The following RBM28 variants were observed in gnomAD, a reference collection of about 807,000 sequenced individuals.
RBM28 encodes RNA binding motif protein 28.
RBM28 carries 78 observed loss-of-function variants against 98.3 expected under a neutral mutation model. The ratio of observed to expected loss-of-function variants is 0.79; its 90% confidence interval spans 0.66 to 0.96. The LOEUF (loss-of-function observed/expected upper bound fraction) is 0.96, where lower values mean the gene tolerates loss of function less well. Ranked by LOEUF, RBM28 falls within the 40% of genes least tolerant of loss-of-function variation. The pLI is 0.00. For missense variants in RBM28, 838 were observed against 913.0 expected, an observed-to-expected ratio of 0.92 and a Z score of 1.06; for synonymous variants, 306 against 330.9, an observed-to-expected ratio of 0.92 and a Z score of 0.82.
At position 128,339,314 on chromosome 7, in the gene RBM28, T is replaced by A. The variant is rs1796670638; in HGVS notation, c.285A>T (p.Ser95=). ...KTKEKGKNEN[S]ECPKKEPKAK... is the part of the protein sequence containing the mutation. ...CCTTCGGCTCCTTCTTTGGGCACTC[T>A]GAGTTTTCTAAAAAATAAGAGGTAA... is the stretch of plus-strand genomic sequence containing the variant. Residue 95 remains serine, a synonymous_variant, in exon 3 of 19, where the codon TCA becomes TCT. Coordinates refer to ENST00000223073, the MANE Select transcript of RBM28 (RefSeq NM_018077.3). 1 of 1,609,218 alleles carries A rather than the reference T, an allele frequency of 6.2e-7. No homozygotes were observed. The highest frequency in any genetic ancestry group is 8.5e-7 in the Non-Finnish European group (1 of 1,176,460).
At chr7:128,318,584 CCTA>C (rs1277105226) in intron 14 of RBM28, among the ~76,000 whole-genome samples, 3 of 151,976 alleles carry the variant, frequency 2.0e-5, no homozygotes, top group Non-Finnish European at 2.9e-5. Flanking sequence ...TTAGAATTTA[CCTA>C]CTAAGACCAT....
At chr7:128,312,195 A>G (rs1329680297) in intron 18 of RBM28, among the ~76,000 whole-genome samples, 1 of 152,122 alleles carries the variant, frequency 6.6e-6, no homozygotes, top group Non-Finnish European at 1.5e-5. Context: ...GAGGCAGGCG[A>G]ATCACCTGAG....
At chr7:128,314,112 G>A (rs6967469) in intron 17 of RBM28, among the ~76,000 whole-genome samples, 37,064 of 151,936 alleles carry the variant, frequency 0.24, 4,688 homozygotes, top group Non-Finnish European at 0.29. Context: ...ACAGGCGCCC[G>A]CCACCGCACC....
intron 1 of RBM28, among the ~76,000 whole-genome samples, chr7:128,340,962 T>G (rs1388087353): frequency 1.3e-5 from 2 of 152,208 alleles, no homozygotes; most frequent in African/African-American, 2.4e-5. Flanking sequence ...TCCATAGGAC[T>G]CCACAAAGAA....
rs1179649114 is a variant in RBM28 at position 128,321,314 on chromosome 7, C to T, written c.1515G>A (p.Lys505=). Residue 505 remains lysine, a synonymous_variant, in exon 14 of 19, where the codon AAG becomes AAA. Transcript: ENST00000223073. ...PKAVDDKQLR[K]LLLSATSGEK... ...CTCCACTAGTAGCACTCAGCAGCAG[C>T]TTTCTGAGCTGTTTGTCATCTACAG... 2 of 1,614,126 alleles carry T rather than the reference C, an allele frequency of 1.2e-6. No individual in the cohort carries two copies. The highest frequency in any genetic ancestry group is 1.3e-5 in the African/African-American group (1 of 74,936).
chr7:128,338,135 A>T, intron 5 of RBM28, 115 bp downstream of exon 5: 1 of 778,148 alleles, frequency 1.3e-6, no homozygotes, highest in Non-Finnish European at 2.3e-6. Context: ...CCGTATTAGC[A>T]ATGAGACTCT....
intron 10 of RBM28, among the ~76,000 whole-genome samples, chr7:128,327,420 A>G (rs1362239652): frequency 6.6e-6 from 1 of 152,222 alleles, no homozygotes; most frequent in African/African-American, 2.4e-5. Flanking sequence ...CTCATACTCT[A>G]GAATCTCCAT....
intron 14 of RBM28, 54 bp from the exon 15 acceptor site, chr7:128,318,160 G>A (rs1467184833): frequency 9.9e-6 from 15 of 1,513,330 alleles, no homozygotes; most frequent in Admixed American, 1.7e-5. Flanking sequence ...AGACTTGCCT[G>A]ACATGAACTG....
rs1199902642 is a variant in RBM28, at chr7:128,307,269, C to T, written c.*3528G>A. On this transcript the variant is annotated 3_prime_UTR_variant, in exon 19 of 19. Coordinates refer to ENST00000223073, the MANE Select transcript of RBM28 (RefSeq NM_018077.3). ...CTGCCTGTCACTTCACAGTGGGTCA[C>T]ATGAATATGAAGCAGAGAACTGGCT... 1 of 152,220 alleles carries T rather than the reference C, an allele frequency of 6.6e-6. No individual in the cohort carries two copies. Among genetic ancestry groups the T allele is most frequent in the African/African-American group, 2.4e-5 (1 of 41,452 alleles). The allele number at this position is 152,220 out of a possible 1,614,324, so 9.4% of individuals were successfully genotyped here.
At chr7:128,337,812 C>T (rs1796634395) in intron 5 of RBM28, among the ~76,000 whole-genome samples, 1 of 152,132 alleles carries the variant, frequency 6.6e-6, no homozygotes, top group South Asian at 2.1e-4. Context: ...CCTGCCTCCT[C>T]GGCCTCCCAA....
intron 10 of RBM28, 97 bp from the exon 11 acceptor site, chr7:128,325,988 G>C (rs974485101): frequency 1.0e-6 from 1 of 953,308 alleles, no homozygotes; most frequent in African/African-American, 1.6e-5. Flanking sequence ...GAGTGGAAGG[G>C]ATAGGTGGCA....
intron 11 of RBM28, among the ~76,000 whole-genome samples, 198 bp downstream of exon 11, chr7:128,325,620 T>C (rs557234581): frequency 6.6e-6 from 1 of 152,326 alleles, no homozygotes; most frequent in South Asian, 2.1e-4. Flanking sequence ...ATCATAATTC[T>C]GCCTACCTCA....
Position 128,321,366 on chromosome 7 carries a change from C to T in RBM28, c.1463G>A (p.Arg488Lys), listed in dbSNP as rs1378772700. The change falls in exon 14 of 19, where the codon AGG becomes AAG. Residue 488 changes from arginine (R) to lysine (K), a missense_variant. Physicochemically the swap from Arg to Lys is conservative, Grantham distance 26. Coordinates refer to ENST00000223073, the MANE Select transcript of RBM28 (RefSeq NM_018077.3). ...CTTTGGGAGATTGTGCAGGCAGAGC[C>T]TGGTTCGGGAGACAAAGATATTCTG... is the stretch of plus-strand genomic sequence containing the variant. ...KDQNIFVSRT[R>K]LCLHNLPKAV... 6.2e-7 allele frequency: 1 copy of T among 1,614,098 alleles called. No individual in the cohort carries two copies. Among genetic ancestry groups the T allele is most frequent in the Non-Finnish European group, 8.5e-7 (1 of 1,180,046 alleles).
rs920070425 is a variant in RBM28, at chr7:128,302,260, C to G, written c.*8537G>C. 5 of 152,250 alleles carry G rather than the reference C, an allele frequency of 3.3e-5. No individual in the cohort carries two copies. Among genetic ancestry groups the G allele is most frequent in the African/African-American group, 1.2e-4 (5 of 41,440 alleles). 9.4% of individuals were successfully genotyped at this position (152,250 alleles called of 1,614,324 possible). ...GGGACTCACTCCAGTGGCTGGTCGC[C>G]AGTTGCACCCACACGCGGCTGGCTG... On this transcript the variant is annotated 3_prime_UTR_variant, in exon 19 of 19. Coordinates refer to ENST00000223073, the MANE Select transcript of RBM28 (RefSeq NM_018077.3).
Position 128,339,632 on chromosome 7 carries a change from C to A in RBM28, c.277+1G>T. On this transcript the variant is annotated splice_donor_variant, in intron 2 of 18. Coordinates refer to ENST00000223073, the MANE Select transcript of RBM28 (RefSeq NM_018077.3). LOFTEE classifies it high-confidence loss of function. ...ACTTCCTTCAATTACTAGAAACTCA[C>A]CATTTTTCCCCTTTTCCTTTGTCTT... 1 of 1,613,918 alleles carries A rather than the reference C, an allele frequency of 6.2e-7. No homozygotes were observed. The highest frequency in any genetic ancestry group is 8.5e-7 in the Non-Finnish European group (1 of 1,179,778).
chr7:128,320,650 G>C (rs1281391600), intron 14 of RBM28, among the ~76,000 whole-genome samples: 5 of 152,198 alleles, frequency 3.3e-5, no homozygotes, highest in Admixed American at 3.3e-4. Context: ...AAGCAAAGCA[G>C]ATTATTTTCT....
chr7:128,302,012 G>A lies in RBM28; in HGVS notation c.*8785C>T, dbSNP rs1384756088. On this transcript the variant is annotated 3_prime_UTR_variant, in exon 19 of 19. Coordinates refer to ENST00000223073, the MANE Select transcript of RBM28 (RefSeq NM_018077.3). ...CAAGCAGAGGGGTAAGGGACTGTTT[G>A]CCTCCTACAGATTTCCCTTCTTTCT... 2.0e-5 allele frequency: 3 copies of A among 152,232 alleles called. No homozygotes were observed. In the East Asian group the frequency reaches 5.8e-4, roughly 29 times the overall value. 9.4% of individuals were successfully genotyped at this position (152,232 alleles called of 1,614,324 possible).
chr7:128,332,404 A>G (rs1796499422), intron 9 of RBM28, among the ~76,000 whole-genome samples: 1 of 151,684 alleles, frequency 6.6e-6, no homozygotes, highest in African/African-American at 2.4e-5. Flanking sequence ...CCCAGGCTGG[A>G]GTGCAGTGGC....
At chr7:128,337,562 C>CTTTT (rs57902037) in intron 5 of RBM28, among the ~76,000 whole-genome samples, 67,736 of 139,766 alleles carry the variant, frequency 0.48, 18,058 homozygotes, top group East Asian at 0.81. Context: ...GCAATAACTT[C>CTTTT]TTTTTTTTTT....
Sources: allele counts gnomAD v4.1 joint callset (sites outside exome capture counted in the v4.1 genomes callset), GRCh38; gene constraint gnomAD v4.1.1; transcripts MANE v1.5; gene names NCBI Gene and HGNC (gene_info 2026-07-23, HGNC 2026-07-21).